The following PRKACB variants were observed in gnomAD, a reference collection of about 807,000 sequenced individuals.
PRKACB encodes protein kinase cAMP-activated catalytic subunit beta, also known as cAMP-dependent protein kinase catalytic subunit beta.
PRKACB carries 16 observed loss-of-function variants against 51.4 expected under a neutral mutation model. That is an observed-to-expected ratio of 0.31 (90% CI 0.21 to 0.47). The LOEUF (loss-of-function observed/expected upper bound fraction) is 0.47. Among genes scored for constraint, PRKACB ranks in the 20% least tolerant of loss-of-function variants. The probability of loss-of-function intolerance (pLI) is 1.00; values close to 1 mark genes in which losing one functional copy is unlikely to be tolerated. For missense variants in PRKACB, 309 were observed against 464.5 expected, an observed-to-expected ratio of 0.67 and a Z score of 3.08; for synonymous variants, 147 against 154.4, an observed-to-expected ratio of 0.95 and a Z score of 0.35.
At chr1:84,178,540 G>A (rs954002221) in intron 1 of PRKACB, among the ~76,000 whole-genome samples, 19 of 151,950 alleles carry the variant, frequency 1.3e-4, no homozygotes, top group African/African-American at 4.6e-4. Flanking sequence ...TTTTAAATTG[G>A]GTATTCAGAC....
At position 84,180,096 on chromosome 1, in the gene PRKACB, G is replaced by A. The variant is rs184551082; in HGVS notation, c.249+858G>A. On this transcript the variant is annotated intron_variant, in intron 2 of 9. Transcript: ENST00000370685. Reference sequence around the variant, plus strand: ...TTATTTGAAAAAGATACTTGCACACGCATGCTTATAGTAGCACAATTCACA... The same window carrying A: ...TTATTTGAAAAAGATACTTGCACACACATGCTTATAGTAGCACAATTCACA... Among the ~76,000 whole-genome samples, 100 of 138,778 alleles carry A rather than the reference G, an allele frequency of 7.2e-4. 2 individuals are homozygous for A. Among genetic ancestry groups the A allele is most frequent in the Non-Finnish European group, 4.5e-4 (29 of 64,758 alleles). 91.0% of individuals were successfully genotyped at this position (138,778 alleles called of 152,430 possible).
intron 5 of PRKACB, among the ~76,000 whole-genome samples, chr1:84,192,149 A>G (rs7513220): frequency 0.012 from 1,902 of 152,240 alleles, 53 homozygotes; most frequent in African/African-American, 0.044. Context: ...TATTTTTCTA[A>G]CAAAATGGGA....
chr1:84,178,511 A>G (rs997486701), intron 1 of PRKACB, among the ~76,000 whole-genome samples: 23 of 152,028 alleles, frequency 1.5e-4, no homozygotes, highest in Non-Finnish European at 2.9e-4. Context: ...TTGGTTTTGA[A>G]TTGCTTTACT....
intron 9 of PRKACB, among the ~76,000 whole-genome samples, chr1:84,231,633 T>C (rs929874713): frequency 2.0e-4 from 31 of 152,226 alleles, no homozygotes; most frequent in Non-Finnish European, 3.7e-4. Flanking sequence ...TTCAACTTCT[T>C]CCTGGTTTAG....
intron 1 of PRKACB, among the ~76,000 whole-genome samples, chr1:84,109,268 G>C (rs928170564): frequency 2.0e-5 from 3 of 151,800 alleles, no homozygotes; most frequent in African/African-American, 7.2e-5. Flanking sequence ...ATATATCTAG[G>C]AGTAGGCATT....
intron 1 of PRKACB, among the ~76,000 whole-genome samples, chr1:84,168,267 G>A (rs541800881): frequency 5.9e-5 from 9 of 151,654 alleles, no homozygotes; most frequent in African/African-American, 1.9e-4. Flanking sequence ...ATCACATGAC[G>A]TCTTTACTTT....
chr1:84,215,490 C>T (rs1019996517), intron 9 of PRKACB, among the ~76,000 whole-genome samples: 7 of 152,154 alleles, frequency 4.6e-5, no homozygotes, highest in Non-Finnish European at 8.8e-5. Context: ...TTTTGTTTGA[C>T]TCTTTGCTCG....
intron 1 of PRKACB, among the ~76,000 whole-genome samples, chr1:84,114,631 G>C (rs987016703): frequency 2.6e-5 from 4 of 152,016 alleles, no homozygotes; most frequent in Non-Finnish European, 1.5e-5. Context: ...CCATTTTACT[G>C]TATGGTTGTA....
chr1:84,220,052 T>A (rs988365960), intron 9 of PRKACB, among the ~76,000 whole-genome samples: 1 of 152,130 alleles, frequency 6.6e-6, no homozygotes, highest in Non-Finnish European at 1.5e-5. Flanking sequence ...TTGATCATTT[T>A]AATATATTTA....
At chr1:84,105,798 G>A (rs1032283143) in intron 1 of PRKACB, among the ~76,000 whole-genome samples, 6 of 151,854 alleles carry the variant, frequency 4.0e-5, no homozygotes, top group East Asian at 1.9e-4. Flanking sequence ...GGCTGATCTC[G>A]AACTCCTGAC....
chr1:84,169,214 TA>T (rs1369708895), intron 1 of PRKACB, among the ~76,000 whole-genome samples: 4 of 151,666 alleles, frequency 2.6e-5, no homozygotes, highest in Non-Finnish European at 5.9e-5. Context: ...AGAATGAACT[TA>T]TATTTAGAAA....
intron 9 of PRKACB, among the ~76,000 whole-genome samples, chr1:84,223,713 C>T (rs1206580479): frequency 6.6e-6 from 1 of 152,090 alleles, no homozygotes; most frequent in Non-Finnish European, 1.5e-5. Flanking sequence ...ATTTCTCACT[C>T]ATATCCTGAA....
intron 8 of PRKACB, chr1:84,205,273 T>A (rs1381193900): frequency 8.1e-6 from 8 of 982,802 alleles, no homozygotes; most frequent in Non-Finnish European, 9.7e-6. Context: ...CATTTCCCAA[T>A]AAATCATCTG....
rs191529970 is a variant in PRKACB at position 84,102,283 on chromosome 1, A to G, written c.46+23912A>G. On this transcript the variant is annotated intron_variant, in intron 1 of 8. Transcript: ENST00000370688. ...GCACCTGTAGTCCCAGCTGCTTGGG[A>G]GGCTAAGGTAGGAGAATCGCTTGAA... is the stretch of plus-strand genomic sequence containing the variant. Among the ~76,000 whole-genome samples, 256 of 151,980 alleles carry G rather than the reference A, an allele frequency of 1.7e-3. 2 individuals carry two copies. Among genetic ancestry groups the G allele is most frequent in the Middle Eastern group, 6.9e-3 (2 of 290 alleles).
chr1:84,173,506 AG>A (rs1423442274), intron 1 of PRKACB, among the ~76,000 whole-genome samples: 1 of 151,422 alleles, frequency 6.6e-6, no homozygotes, highest in African/African-American at 2.4e-5. Flanking sequence ...GTATGTGGGG[AG>A]GGGGAGAGTA....
intron 8 of PRKACB, among the ~76,000 whole-genome samples, chr1:84,207,366 T>C (rs1671496616): frequency 6.6e-6 from 1 of 152,194 alleles, no homozygotes; most frequent in African/African-American, 2.4e-5. Context: ...TTTTAATGTC[T>C]TAGCTCTTTC....
chr1:84,089,091 G>A (rs1648252707), intron 1 of PRKACB, among the ~76,000 whole-genome samples: 1 of 152,064 alleles, frequency 6.6e-6, no homozygotes, highest in African/African-American at 2.4e-5. Context: ...GTGTGATCTG[G>A]CAAAGCAGTG....
chr1:84,169,263 G>C (rs903989035), intron 1 of PRKACB, among the ~76,000 whole-genome samples: 7 of 151,544 alleles, frequency 4.6e-5, no homozygotes, highest in Non-Finnish European at 7.4e-5. Flanking sequence ...AAAAATTATA[G>C]ATGCCATCTG....
intron 1 of PRKACB, among the ~76,000 whole-genome samples, chr1:84,118,331 G>A (rs1019969806): frequency 1.3e-5 from 2 of 151,990 alleles, no homozygotes; most frequent in Non-Finnish European, 2.9e-5. Context: ...TCATAATTGT[G>A]GTTCTTCTTT....
Sources: gnomAD v4.1 joint callset for allele counts (sites outside exome capture counted in the v4.1 genomes callset) on GRCh38, gnomAD v4.1.1 for gene constraint, MANE v1.5 for transcripts, NCBI Gene and HGNC (gene_info 2026-07-23, HGNC 2026-07-21) for gene names.